MAP2K4: variants seen among roughly 807,000 people sequenced by gnomAD.
The protein encoded by MAP2K4 is mitogen-activated protein kinase kinase 4.
MAP2K4 carries 4 observed loss-of-function variants against 48.5 expected under a neutral mutation model. The observed-to-expected ratio is 0.08, with a 90% CI of 0.04 to 0.19. MAP2K4 has a LOEUF of 0.19. Ranked by LOEUF, MAP2K4 falls within the 10% of genes least tolerant of loss-of-function variation. The pLI is 1.00. For synonymous variants in MAP2K4, 166 were observed against 173.1 expected, an observed-to-expected ratio of 0.96 and a Z score of 0.32; for missense variants, 258 against 493.3, an observed-to-expected ratio of 0.52 and a Z score of 4.52.
intron 1 of MAP2K4, among the ~76,000 whole-genome samples, chr17:12,034,812 T>C (rs1304358502): frequency 6.6e-6 from 1 of 152,194 alleles, no homozygotes; most frequent in Non-Finnish European, 1.5e-5. Context: ...AGAATGAGCA[T>C]AAAGGGTGCT....
At chr17:12,096,700 T>C (rs1971769986) in intron 4 of MAP2K4, among the ~76,000 whole-genome samples, 1 of 152,176 alleles carries the variant, frequency 6.6e-6, no homozygotes, top group Non-Finnish European at 1.5e-5. Flanking sequence ...AAAATTAATA[T>C]ATATTTTTGA....
chr17:12,042,016 A>T (rs1210931354), intron 1 of MAP2K4, among the ~76,000 whole-genome samples: 1 of 152,104 alleles, frequency 6.6e-6, no homozygotes, highest in Non-Finnish European at 1.5e-5. Flanking sequence ...CCCCGTCTCT[A>T]TTAAAAATAC....
chr17:12,025,725 C>T (rs568824997), intron 1 of MAP2K4, among the ~76,000 whole-genome samples: 59 of 152,210 alleles, frequency 3.9e-4, no homozygotes, highest in African/African-American at 1.2e-3. Flanking sequence ...TTAGAAAACA[C>T]GCCCAGTACT....
chr17:12,069,836 C>T, intron 2 of MAP2K4: 1 of 464,816 alleles, frequency 2.2e-6, no homozygotes, highest in Non-Finnish European at 3.8e-6. Context: ...AGAACAGTTG[C>T]AGTGATGTGC....
intron 3 of MAP2K4, among the ~76,000 whole-genome samples, chr17:12,084,703 G>T (rs1202160211): frequency 6.6e-6 from 1 of 152,148 alleles, no homozygotes; most frequent in Non-Finnish European, 1.5e-5. Context: ...GGAGAGGATG[G>T]CAATACAACA....
intron 1 of MAP2K4, among the ~76,000 whole-genome samples, chr17:12,050,138 G>A (rs928878868): frequency 6.6e-6 from 1 of 152,108 alleles, no homozygotes; most frequent in East Asian, 1.9e-4. Flanking sequence ...GTAGTTCTCT[G>A]ATTCTGACCA....
intron 1 of MAP2K4, among the ~76,000 whole-genome samples, chr17:12,043,960 G>C (rs1014953031): frequency 6.6e-6 from 1 of 151,982 alleles, no homozygotes; most frequent in Non-Finnish European, 1.5e-5. Context: ...TACTCACTTG[G>C]TTGTTTTTTT....
In MAP2K4 at chr17:12,141,269, C is replaced by T; in HGVS notation, c.*9C>T. The T allele has an allele frequency of 1.3e-6, 2 of 1,564,268 alleles. No individual in the cohort carries two copies. Among genetic ancestry groups the T allele is most frequent in the Non-Finnish European group, 1.8e-6 (2 of 1,134,802 alleles). ...CCATGTATGTCGATTGATATCGCTG[C>T]TACATCAGACTCTAGAAAAAAGGGC... is the stretch of plus-strand genomic sequence containing the variant. On this transcript the variant is annotated 3_prime_UTR_variant, in exon 11 of 11. Coordinates refer to ENST00000353533, the MANE Select transcript of MAP2K4 (RefSeq NM_003010.4).
intron 3 of MAP2K4, among the ~76,000 whole-genome samples, chr17:12,091,277 T>C (rs759286797): frequency 7.9e-5 from 12 of 152,254 alleles, no homozygotes; most frequent in Non-Finnish European, 1.6e-4. Context: ...AGGTGCCATG[T>C]TGCACAAAAA....
At chr17:12,100,907 G>GT (rs1194436978) in intron 4 of MAP2K4, among the ~76,000 whole-genome samples, 1 of 151,890 alleles carries the variant, frequency 6.6e-6, no homozygotes, top group African/African-American at 2.4e-5. Flanking sequence ...TTTAAATTGG[G>GT]TTTTTTTGTT....
chr17:12,129,456 AG>A (rs1972959719), intron 9 of MAP2K4, among the ~76,000 whole-genome samples, 169 bp downstream of exon 9: 1 of 152,228 alleles, frequency 6.6e-6, no homozygotes, highest in Non-Finnish European at 1.5e-5. Flanking sequence ...GGTTACAGCT[AG>A]CTGGGAGAGG....
At chr17:12,088,458 T>TATTAAA (rs1971438951) in intron 3 of MAP2K4, among the ~76,000 whole-genome samples, 2 of 140,238 alleles carry the variant, frequency 1.4e-5, no homozygotes, top group Non-Finnish European at 1.5e-5. Context: ...ATATTAAATA[T>TATTAAA]TATACAATAT....
chr17:12,066,920 G>A (rs527834323), intron 2 of MAP2K4, among the ~76,000 whole-genome samples: 1 of 152,164 alleles, frequency 6.6e-6, no homozygotes, highest in Non-Finnish European at 1.5e-5. Flanking sequence ...CTCGTGATCC[G>A]CCCGCCTCGG....
chr17:12,127,267 ATTC>A (rs1972883178), intron 8 of MAP2K4, among the ~76,000 whole-genome samples: 1 of 152,166 alleles, frequency 6.6e-6, no homozygotes, highest in African/African-American at 2.4e-5. Flanking sequence ...TAAAGAAGAG[ATTC>A]TTCTTTAGAC....
At chr17:12,042,242 T>A (rs1452636873) in intron 1 of MAP2K4, among the ~76,000 whole-genome samples, 2 of 151,000 alleles carry the variant, frequency 1.3e-5, no homozygotes, top group East Asian at 2.0e-4. Flanking sequence ...ATGGTCTTAA[T>A]TAAAATATAA....
At position 12,139,529 on chromosome 17, in the gene MAP2K4, T is replaced by C. The variant is rs1431483884; in HGVS notation, c.1041-310T>C. Among the ~76,000 whole-genome samples the C allele has an allele frequency of 2.6e-5, 4 of 152,162 alleles. No homozygotes were observed. The East Asian group carries it at 5.8e-4, about 22-fold the overall frequency. ...ATGTACACAAATAATTTTATACTTA[T>C]AAAACATTTATATATTTAACTGTAG... is the stretch of plus-strand genomic sequence containing the variant. On this transcript the variant is annotated intron_variant, in intron 9 of 10. Transcript: ENST00000353533.
At chr17:12,139,932 T>C in intron 10 of MAP2K4, 48 bp downstream of exon 10, 1 of 1,353,346 alleles carries the variant, frequency 7.4e-7, no homozygotes, top group Non-Finnish European at 1.0e-6. Flanking sequence ...ACCCCGGAAC[T>C]CTCTTAACAT....
At chr17:12,101,019 ATATC>A (rs1265514311) in intron 4 of MAP2K4, among the ~76,000 whole-genome samples, 1 of 152,062 alleles carries the variant, frequency 6.6e-6, no homozygotes, top group African/African-American at 2.4e-5. Flanking sequence ...ATCTTTATAT[ATATC>A]TATTCTTCAC....
intron 3 of MAP2K4, among the ~76,000 whole-genome samples, chr17:12,092,640 C>G (rs1381910164): frequency 6.6e-6 from 1 of 152,180 alleles, no homozygotes; most frequent in Non-Finnish European, 1.5e-5. Context: ...TGTAGTTGAT[C>G]CCCTTTTGGG....
Sources: allele counts gnomAD v4.1 joint callset (sites outside exome capture counted in the v4.1 genomes callset), GRCh38; gene constraint gnomAD v4.1.1; transcripts MANE v1.5; gene names NCBI Gene and HGNC (gene_info 2026-07-23, HGNC 2026-07-21).